The following DACH2 variants were observed in gnomAD, a reference collection of about 807,000 sequenced individuals.
DACH2 encodes the protein dachshund family transcription factor 2, also known as dachshund homolog 2.
A neutral mutation model predicts 35.8 loss-of-function variants in DACH2; 17 were observed. The ratio of observed to expected loss-of-function variants is 0.48; its 90% confidence interval spans 0.33 to 0.71. The LOEUF is 0.71. Among genes scored for constraint, DACH2 ranks in the 30% least tolerant of loss-of-function variants. The pLI is 0.02. For missense variants in DACH2, 469 were observed against 472.7 expected, an observed-to-expected ratio of 0.99 and a Z score of 0.07; for synonymous variants, 195 against 177.3, an observed-to-expected ratio of 1.10 and a Z score of -0.79.
At chrX:86,682,227 G>A (rs1275485770) in intron 4 of DACH2, among the ~76,000 whole-genome samples, 1 of 111,462 alleles carries the variant, frequency 9.0e-6, no homozygotes, top group Non-Finnish European at 1.9e-5. Flanking sequence ...GCCTCATTTT[G>A]TTCCTCAGAT....
intron 5 of DACH2, among the ~76,000 whole-genome samples, chrX:86,704,936 A>G (rs1019705432): frequency 9.4e-6 from 1 of 106,634 alleles, no homozygotes; most frequent in African/African-American, 3.6e-5. Context: ...TACAAAAAAG[A>G]TAAATGCACA....
At chrX:86,263,520 T>A (rs2033662872) in intron 1 of DACH2, among the ~76,000 whole-genome samples, 1 of 111,934 alleles carries the variant, frequency 8.9e-6, no homozygotes, top group African/African-American at 3.2e-5. Flanking sequence ...ATTATTGTTT[T>A]TTCTTGAATT....
chrX:86,247,291 T>C (rs749662864), intron 1 of DACH2, among the ~76,000 whole-genome samples: 2 of 110,914 alleles, frequency 1.8e-5, no homozygotes, highest in Non-Finnish European at 3.8e-5. Flanking sequence ...CTGAATGAAA[T>C]TGAGACATGA....
chrX:86,581,643 G>A (rs1490809057), intron 3 of DACH2, among the ~76,000 whole-genome samples: 3 of 111,623 alleles, frequency 2.7e-5, no homozygotes, highest in East Asian at 2.8e-4. Context: ...TAAAAAATTG[G>A]CATTACATAA....
intron 2 of DACH2, among the ~76,000 whole-genome samples, chrX:86,386,329 A>G (rs2036121919): frequency 9.0e-6 from 1 of 111,503 alleles, no homozygotes; most frequent in Admixed American, 9.6e-5. Context: ...TCATCATATC[A>G]TGTAAAGGGT....
At chrX:86,204,881 G>A (rs981926427) in intron 1 of DACH2, among the ~76,000 whole-genome samples, 13 of 111,539 alleles carry the variant, frequency 1.2e-4, no homozygotes, top group African/African-American at 3.9e-4. Flanking sequence ...TCAAAATTTG[G>A]TCTAGTTTTG....
intron 2 of DACH2, among the ~76,000 whole-genome samples, chrX:86,409,176 T>C (rs1169810771): frequency 9.0e-6 from 1 of 111,571 alleles, no homozygotes; most frequent in Non-Finnish European, 1.9e-5. Context: ...GCTGAATAAC[T>C]TTTAGTTATT....
At chrX:86,432,937 A>C (rs954673208) in intron 2 of DACH2, among the ~76,000 whole-genome samples, 1 of 111,536 alleles carries the variant, frequency 9.0e-6, no homozygotes, top group Non-Finnish European at 1.9e-5. Flanking sequence ...TATGTAGAAG[A>C]AGCATTGCGT....
chrX:86,405,018 T>C (rs2036503409), intron 2 of DACH2, among the ~76,000 whole-genome samples: 1 of 111,912 alleles, frequency 8.9e-6, no homozygotes, highest in Admixed American at 9.4e-5. Flanking sequence ...AGCCATGGCT[T>C]GAGCAGTTGT....
At chrX:86,704,872 T>A (rs2041192402) in intron 5 of DACH2, among the ~76,000 whole-genome samples, 1 of 110,198 alleles carries the variant, frequency 9.1e-6, no homozygotes. Context: ...AGAACCACCA[T>A]TTGATCTAGC....
rs190518236 is a variant in DACH2, at chrX:86,721,217, A to T, written c.1104+6497A>T. ...GGCTTCTCATTACGTATGCAAGTTT[A>T]TGCAGCTGGCTACAATTCCTCTCCA... On this transcript the variant is annotated intron_variant, in intron 6 of 11. Coordinates refer to ENST00000373125, the MANE Select transcript of DACH2 (RefSeq NM_053281.3). Among the ~76,000 whole-genome samples, 274 of 112,447 alleles carry T rather than the reference A, an allele frequency of 2.4e-3. 2 individuals are homozygous for T. The highest frequency in any genetic ancestry group is 8.4e-3 in the African/African-American group (260 of 30,992).
intron 3 of DACH2, among the ~76,000 whole-genome samples, chrX:86,549,948 A>C (rs2039026197): frequency 8.9e-6 from 1 of 111,827 alleles, no homozygotes; most frequent in Non-Finnish European, 1.9e-5. Context: ...AATAGTCCTC[A>C]ATCAACAGTT....
chrX:86,545,521 A>T (rs2038945424), intron 3 of DACH2, among the ~76,000 whole-genome samples: 2 of 112,151 alleles, frequency 1.8e-5, no homozygotes, highest in African/African-American at 3.2e-5. Context: ...ACAAACATGC[A>T]TATGTACCCC....
At chrX:86,717,631 C>A (rs1275366920) in intron 6 of DACH2, among the ~76,000 whole-genome samples, 1 of 106,961 alleles carries the variant, frequency 9.3e-6, no homozygotes, top group Non-Finnish European at 1.9e-5. Flanking sequence ...GATAAATTTC[C>A]CATGATTTTG....
intron 11 of DACH2, chrX:86,828,170 C>T (rs45600632): frequency 7.6e-6 from 1 of 132,017 alleles, no homozygotes; most frequent in Non-Finnish European, 1.5e-5. Flanking sequence ...AAAATGCAGG[C>T]ACACCTACTT....
chrX:86,621,636 T>A (rs780571665), intron 3 of DACH2, among the ~76,000 whole-genome samples: 2 of 112,027 alleles, frequency 1.8e-5, no homozygotes, highest in African/African-American at 6.5e-5. Flanking sequence ...CATGTGATCT[T>A]GCACATGCTA....
intron 3 of DACH2, among the ~76,000 whole-genome samples, chrX:86,524,895 A>G (rs776422502): frequency 9.0e-6 from 1 of 111,227 alleles, no homozygotes; most frequent in African/African-American, 3.3e-5. Context: ...AATAATCTAT[A>G]TAGTGCTTTA....
chrX:86,423,784 T>A (rs1220195832), intron 2 of DACH2, among the ~76,000 whole-genome samples: 6 of 111,072 alleles, frequency 5.4e-5, no homozygotes, highest in African/African-American at 9.8e-5. Context: ...AGTAGTTTCA[T>A]AGCTTCAGGT....
At chrX:86,583,469 T>G (rs1310539483) in intron 3 of DACH2, among the ~76,000 whole-genome samples, 1 of 111,151 alleles carries the variant, frequency 9.0e-6, no homozygotes, top group Non-Finnish European at 1.9e-5. Flanking sequence ...TCCCATTGTC[T>G]TTGCCCAAAA....
Sources: allele counts gnomAD v4.1 joint callset (sites outside exome capture counted in the v4.1 genomes callset), GRCh38; gene constraint gnomAD v4.1.1; transcripts MANE v1.5; gene names NCBI Gene and HGNC (gene_info 2026-07-23, HGNC 2026-07-21).